KANSL2: variants seen among roughly 807,000 people sequenced by gnomAD.
KANSL2 encodes KAT8 regulatory NSL complex subunit 2, also known as NSL complex protein NSL2.
Under a neutral mutation model 55.6 loss-of-function variants are expected in KANSL2, and 34 were observed. The ratio of observed to expected loss-of-function variants is 0.61; its 90% CI spans 0.46 to 0.81. The LOEUF (loss-of-function observed/expected upper bound fraction) is 0.81. Among genes scored for constraint, KANSL2 ranks in the 40% least tolerant of loss-of-function variants. The pLI is 0.00. For missense variants in KANSL2, 502 were observed against 609.9 expected, an observed-to-expected ratio of 0.82 and a Z score of 1.86; for synonymous variants, 209 against 214.3, an observed-to-expected ratio of 0.98 and a Z score of 0.22.
chr12:48,676,938 A>G (rs1939832253), intron 4 of KANSL2, among the ~76,000 whole-genome samples: 1 of 152,168 alleles, frequency 6.6e-6, no homozygotes, highest in Non-Finnish European at 1.5e-5. Context: ...GATGACAAAG[A>G]CACTGGTGCC....
intron 7 of KANSL2, among the ~76,000 whole-genome samples, chr12:48,664,000 C>T (rs1347782597): frequency 3.3e-5 from 5 of 150,134 alleles, no homozygotes; most frequent in South Asian, 2.1e-4. Context: ...TCACCGCCTC[C>T]GCCTTCCGGG....
intron 8 of KANSL2, 34 bp downstream of exon 8, chr12:48,660,332 G>A (rs754356596): frequency 3.1e-6 from 5 of 1,609,020 alleles, no homozygotes; most frequent in South Asian, 1.1e-5. Context: ...TTTGTCTCAA[G>A]GGCCTGAACC....
chr12:48,668,695 G>C (rs1490767981), intron 6 of KANSL2, among the ~76,000 whole-genome samples: 1 of 151,986 alleles, frequency 6.6e-6, no homozygotes, highest in East Asian at 1.9e-4. Flanking sequence ...TTGAAACTCT[G>C]TCTCAAAAAA....
intron 2 of KANSL2, chr12:48,681,168 T>C (rs1939918870): frequency 4.5e-6 from 2 of 441,454 alleles, no homozygotes; most frequent in Non-Finnish European, 7.9e-6. Flanking sequence ...GCCTTTATTT[T>C]ACAGATAAGG....
intron 7 of KANSL2, among the ~76,000 whole-genome samples, chr12:48,663,336 A>C (rs1939522831): frequency 6.6e-6 from 1 of 152,144 alleles, no homozygotes; most frequent in African/African-American, 2.4e-5. Flanking sequence ...ATTTCACCAT[A>C]CTCTCACCTA....
chr12:48,669,541 A>G (rs1939667707), intron 5 of KANSL2, among the ~76,000 whole-genome samples: 1 of 151,212 alleles, frequency 6.6e-6, no homozygotes, highest in East Asian at 1.9e-4. Flanking sequence ...TTTTTGAGGC[A>G]CAGTCTCGCT....
chr12:48,681,869 T>A (rs1565611209), intron 1 of KANSL2: 1 of 704,816 alleles, frequency 1.4e-6, no homozygotes, highest in Admixed American at 2.0e-5. Flanking sequence ...ACGCTGAATG[T>A]ATCTTCAGGA....
intron 7 of KANSL2, among the ~76,000 whole-genome samples, chr12:48,663,291 A>G (rs1040373921): frequency 6.6e-6 from 1 of 152,232 alleles, no homozygotes; most frequent in Non-Finnish European, 1.5e-5. Context: ...GCTTTTATCT[A>G]TTTATATTCC....
At chr12:48,671,258 C>T (rs904668192) in intron 5 of KANSL2, among the ~76,000 whole-genome samples, 1 of 130,114 alleles carries the variant, frequency 7.7e-6, no homozygotes, top group Non-Finnish European at 1.6e-5. Flanking sequence ...GAGTGAGACT[C>T]CATGTCCGTC....
chr12:48,672,046 GT>G (rs1243533137), intron 4 of KANSL2, 84 bp from the exon 5 acceptor site: 3 of 1,199,100 alleles, frequency 2.5e-6, no homozygotes, highest in Non-Finnish European at 3.4e-6. Flanking sequence ...GTCAGACTAA[GT>G]TTGTTATTTA....
chr12:48,663,959 C>G (rs534664216), intron 7 of KANSL2, among the ~76,000 whole-genome samples: 1 of 146,890 alleles, frequency 6.8e-6, no homozygotes, highest in South Asian at 2.2e-4. Context: ...ACTCTGTCGC[C>G]CAGGCTGGAG....
chr12:48,681,271 C>A (rs1939920592), intron 2 of KANSL2, 111 bp downstream of exon 2: 2 of 1,312,254 alleles, frequency 1.5e-6, no homozygotes, highest in Admixed American at 2.7e-5. Context: ...CAACCATAAC[C>A]CCAAATTTAC....
chr12:48,673,713 C>T (rs1336623872), intron 4 of KANSL2, among the ~76,000 whole-genome samples: 2 of 151,958 alleles, frequency 1.3e-5, no homozygotes, highest in African/African-American at 2.4e-5. Context: ...TTTGGGAGGC[C>T]GAGGCAGGCA....
intron 8 of KANSL2, among the ~76,000 whole-genome samples, chr12:48,657,063 G>T (rs959101095): frequency 1.1e-4 from 16 of 152,128 alleles, no homozygotes; most frequent in Admixed American, 3.3e-4. Context: ...TCACATTAAA[G>T]AATATATATA....
chr12:48,667,713 A>G lies in KANSL2; in HGVS notation c.953T>C (p.Met318Thr), dbSNP rs758914261. 1.9e-6 allele frequency: 3 copies of G among 1,613,712 alleles called. No homozygotes were observed. The South Asian group carries it at 3.3e-5, about 18-fold the overall frequency. ...DVRCSNQSLP[M>T]TRHCLTHICQ... ...GATACGGGTAAGGCAGTGTCTGGTC[A>G]TTGGAAGAGACTGATTGGAACAACG... Residue 318 changes from methionine (M) to threonine (T), a missense_variant, in exon 7 of 10, where the codon ATG becomes ACG. Coordinates refer to ENST00000420613, the MANE Select transcript of KANSL2 (RefSeq NM_017822.4).
At chr12:48,679,260 CA>C (rs368603509) in intron 3 of KANSL2, 110 bp from the exon 4 acceptor site, 26,273 of 518,696 alleles carry the variant, frequency 0.051, 175 homozygotes, top group Non-Finnish European at 0.058. Context: ...AAAAACAAAA[CA>C]AAAAAAAAAA....
At chr12:48,667,418 G>T (rs2137189079) in intron 7 of KANSL2, 1 of 491,616 alleles carries the variant, frequency 2.0e-6, no homozygotes. Context: ...AAGTATTAAG[G>T]CTATAAATAA....
chr12:48,660,695 T>A, intron 7 of KANSL2, 76 bp from the exon 8 acceptor site: 1 of 1,450,384 alleles, frequency 6.9e-7, no homozygotes, highest in Non-Finnish European at 9.4e-7. Context: ...GTCTGCCACA[T>A]AAAACTCAAG....
Position 48,654,972 on chromosome 12 carries a change from T to C in KANSL2, c.1316A>G (p.Lys439Arg), listed in dbSNP as rs767969816. 177 of 1,577,438 alleles carry C rather than the reference T, an allele frequency of 1.1e-4. No homozygotes were observed. The highest frequency in any genetic ancestry group is 1.5e-4 in the Non-Finnish European group (170 of 1,161,250). ...PSLTLEDHLV[K>R]EIAEDPVDIL... ...ATCCACTGGGTCTTCAGCAATTTCTTTGACTAAATGATCTTCAAGGGTTAG... is the reference window on the plus strand; with the variant it reads ...ATCCACTGGGTCTTCAGCAATTTCTCTGACTAAATGATCTTCAAGGGTTAG... The change falls in exon 9 of 10, where the codon AAA becomes AGA. Residue 439 changes from lysine (K) to arginine (R), a missense_variant. Coordinates refer to ENST00000420613, the MANE Select transcript of KANSL2 (RefSeq NM_017822.4).
Sources: allele counts gnomAD v4.1 joint callset (sites outside exome capture counted in the v4.1 genomes callset), GRCh38; gene constraint gnomAD v4.1.1; transcripts MANE v1.5; gene names NCBI Gene and HGNC (gene_info 2026-07-23, HGNC 2026-07-21).